RAPGEF6: variants seen among roughly 807,000 people sequenced by gnomAD.
The protein encoded by RAPGEF6 is PDZ domain containing guanine nucleotide exchange factor (GEF) 2.
RAPGEF6 carries 56 observed loss-of-function variants against 171.4 expected under a neutral mutation model. That is an observed-to-expected ratio of 0.33 (90% CI 0.26 to 0.41). The LOEUF is 0.41. Among genes scored for constraint, RAPGEF6 ranks in the 10% least tolerant of loss-of-function variants. The pLI is 1.00. For synonymous variants in RAPGEF6, 692 were observed against 650.1 expected (o/e 1.06, Z -0.98); for missense variants, 1,674 against 1,921.4 (o/e 0.87, Z 2.41).
intron 3 of RAPGEF6, among the ~76,000 whole-genome samples, chr5:131,599,416 G>C (rs1034406124): frequency 2.6e-5 from 4 of 151,964 alleles, no homozygotes; most frequent in Non-Finnish European, 4.4e-5. Context: ...ATGAACACAG[G>C]CATGAGCAAA....
In RAPGEF6 at chr5:131,495,638, CATA is replaced by C; in HGVS notation, c.1439_1441del (p.Leu480del). 1 of 1,613,166 alleles carries C rather than the reference CATA, an allele frequency of 6.2e-7. No individual in the cohort carries two copies. Among genetic ancestry groups the C allele is most frequent in the Non-Finnish European group, 8.5e-7 (1 of 1,179,520 alleles). ...AAAATCATTAAAATGATTATTTACC[CATA>C]ATAATACAATCCGTGTCACCTGTGG... On this transcript the variant is annotated inframe_deletion, in exon 13 of 28. Coordinates refer to ENST00000509018, the MANE Select transcript of RAPGEF6 (RefSeq NM_016340.6).
intron 24 of RAPGEF6, chr5:131,436,243 G>T: frequency 6.5e-7 from 1 of 1,537,532 alleles, no homozygotes; most frequent in Non-Finnish European, 8.7e-7. Context: ...ATTCTCCTCA[G>T]TGGCCTTCTC....
At chr5:131,554,501 T>C (rs948342744) in intron 5 of RAPGEF6, among the ~76,000 whole-genome samples, 14 of 152,204 alleles carry the variant, frequency 9.2e-5, no homozygotes, top group African/African-American at 4.8e-5. Flanking sequence ...TAGCTACTTA[T>C]TAGCCTCAGG....
chr5:131,495,762 C>A, intron 12 of RAPGEF6, 102 bp from the exon 13 acceptor site: 1 of 1,431,702 alleles, frequency 7.0e-7, no homozygotes, highest in East Asian at 2.6e-5. Context: ...ACTGACAACC[C>A]TCTTGTTCCC....
chr5:131,453,044 A>G lies in RAPGEF6; in HGVS notation c.3200+10T>C, dbSNP rs199924175. The G allele has an allele frequency of 6.2e-6, 10 of 1,606,148 alleles. No individual in the cohort carries two copies. Among genetic ancestry groups the G allele is most frequent in the Non-Finnish European group, 6.0e-6 (7 of 1,176,040 alleles). ...CCACTCTAACACTTTTACATATTTCAATGTCCTACCTCTGTCGAAACATCA... is the reference window on the plus strand; with the variant it reads ...CCACTCTAACACTTTTACATATTTCGATGTCCTACCTCTGTCGAAACATCA... On this transcript the variant is annotated intron_variant, in intron 21 of 27. Coordinates refer to ENST00000509018, the MANE Select transcript of RAPGEF6 (RefSeq NM_016340.6).
At chr5:131,555,189 T>C (rs1379966401) in intron 5 of RAPGEF6, among the ~76,000 whole-genome samples, 1 of 152,210 alleles carries the variant, frequency 6.6e-6, no homozygotes, top group African/African-American at 2.4e-5. Flanking sequence ...CCCAATCTAA[T>C]AAATTTCTTG....
intron 4 of RAPGEF6, among the ~76,000 whole-genome samples, chr5:131,568,744 A>C (rs529327376): frequency 6.6e-6 from 1 of 152,376 alleles, no homozygotes; most frequent in Admixed American, 6.5e-5. Flanking sequence ...CAGTACAATA[A>C]GGCAAGAAAA....
At chr5:131,485,747 A>AGTGAGAGATGAAGGGTGGTGT (rs1242899665) in intron 15 of RAPGEF6, among the ~76,000 whole-genome samples, 1 of 152,188 alleles carries the variant, frequency 6.6e-6, no homozygotes, top group African/African-American at 2.4e-5. Context: ...TATTAAGTTC[A>AGTGAGAGATGAAGGGTGGTGT]GTGAGAGATG....
At chr5:131,489,342 AACTT>A (rs1360948036) in intron 15 of RAPGEF6, among the ~76,000 whole-genome samples, 200 bp downstream of exon 15, 4 of 152,216 alleles carry the variant, frequency 2.6e-5, no homozygotes, top group Admixed American at 1.3e-4. Context: ...CCTATTTTAA[AACTT>A]ACTATCAAAA....
chr5:131,500,917 T>C (rs923368305), intron 11 of RAPGEF6, among the ~76,000 whole-genome samples: 5 of 152,070 alleles, frequency 3.3e-5, no homozygotes, highest in African/African-American at 9.7e-5. Context: ...AAGAAATGAA[T>C]GAAATGAAAA....
At chr5:131,573,837 G>C (rs980006288) in intron 4 of RAPGEF6, among the ~76,000 whole-genome samples, 6 of 151,994 alleles carry the variant, frequency 3.9e-5, no homozygotes, top group Admixed American at 6.5e-5. Flanking sequence ...GACCCAGAGG[G>C]GCCAGAAGGC....
chr5:131,557,989 T>C (rs1249053191), intron 5 of RAPGEF6, among the ~76,000 whole-genome samples: 1 of 152,186 alleles, frequency 6.6e-6, no homozygotes, highest in African/African-American at 2.4e-5. Context: ...CTTGTTAGGC[T>C]GTTATAAAAA....
chr5:131,536,512 C>T (rs1173039472), intron 6 of RAPGEF6, among the ~76,000 whole-genome samples: 1 of 152,156 alleles, frequency 6.6e-6, no homozygotes, highest in African/African-American at 2.4e-5. Flanking sequence ...TATATATCCA[C>T]TAACTGATCA....
chr5:131,495,583 T>C lies in RAPGEF6; in HGVS notation c.1497A>G (p.Leu499=), dbSNP rs1734311699. Residue 499 remains leucine, a synonymous_variant, in exon 13 of 28, where the codon CTA becomes CTG. Coordinates refer to ENST00000509018, the MANE Select transcript of RAPGEF6 (RefSeq NM_016340.6). The stretch of plus-strand genomic sequence containing the variant: ...CTTCCAGATTTTTTTCAAATTCCTC[T>C]AGAAATCGAGTCATAGCAGGGTCAC... ...FEGDPAMTRF[L]EEFEKNLEDT... The C allele has an allele frequency of 1.9e-6, 3 of 1,613,718 alleles. No homozygotes were observed. The highest frequency in any genetic ancestry group is 8.5e-7 in the Non-Finnish European group (1 of 1,179,840).
At position 131,596,155 on chromosome 5, in the gene RAPGEF6, T is replaced by TAAA. The variant is rs36079255; in HGVS notation, c.198-3692_198-3690dup. On this transcript the variant is annotated intron_variant, in intron 3 of 27. Coordinates refer to ENST00000509018, the MANE Select transcript of RAPGEF6 (RefSeq NM_016340.6). ...GGGAGCAGTGCGAGACTCCATCATA[T>TAAA]AAAAAAAAAAAAAAAAGTTAAAGGA... Among the ~76,000 whole-genome samples the TAAA allele has an allele frequency of 5.5e-5, 7 of 127,058 alleles. No homozygotes were observed. In the South Asian group the frequency reaches 7.5e-4, roughly 14 times the overall value. 83.4% of individuals were successfully genotyped at this position (127,058 alleles called of 152,430 possible).
Position 131,600,550 on chromosome 5 carries a change from AAGGG to A in RAPGEF6, c.197+2717_197+2720del, listed in dbSNP as rs1158425803. ...ACGAGAAGGAAGGAAGGAAGGAAGG[AAGGG>A]AGGGAGGGAGGGAGGGAAAAGAGAG... On this transcript the variant is annotated intron_variant, in intron 3 of 27. Transcript: ENST00000509018. Among the ~76,000 whole-genome samples, 94 of 121,636 alleles carry A rather than the reference AAGGG, an allele frequency of 7.7e-4. 1 individual carries two copies. The highest frequency in any genetic ancestry group is 3.8e-3 in the Middle Eastern group (1 of 266). 79.8% of individuals were successfully genotyped at this position (121,636 alleles called of 152,430 possible).
intron 6 of RAPGEF6, among the ~76,000 whole-genome samples, chr5:131,530,553 T>C (rs1020102333): frequency 1.3e-5 from 2 of 152,226 alleles, no homozygotes; most frequent in Admixed American, 1.3e-4. Flanking sequence ...CTAAGTTTTA[T>C]GTGTTTAATT....
At chr5:131,527,811 C>G (rs760863000) in intron 6 of RAPGEF6, among the ~76,000 whole-genome samples, 12 of 151,676 alleles carry the variant, frequency 7.9e-5, no homozygotes, top group Admixed American at 6.6e-5. Context: ...GTCAGGAGAT[C>G]GAGACCATCC....
In RAPGEF6 at chr5:131,550,184, T is replaced by C. The variant is rs188858087; in HGVS notation, c.352-1994A>G. Among the ~76,000 whole-genome samples the C allele has an allele frequency of 4.6e-5, 7 of 152,198 alleles. No homozygotes were observed. In the East Asian group the frequency reaches 5.8e-4, roughly 13 times the overall value. Reference sequence around the variant, plus strand: ...TCACCTCAGTCCCAAACCACAGCAATAGGTGATCCTGCTGCTTTAGGCATG... The same window carrying C: ...TCACCTCAGTCCCAAACCACAGCAACAGGTGATCCTGCTGCTTTAGGCATG... On this transcript the variant is annotated intron_variant, in intron 5 of 27. Coordinates refer to ENST00000509018, the MANE Select transcript of RAPGEF6 (RefSeq NM_016340.6).
Sources: gnomAD v4.1 joint callset for allele counts (sites outside exome capture counted in the v4.1 genomes callset) on GRCh38, gnomAD v4.1.1 for gene constraint, MANE v1.5 for transcripts, NCBI Gene and HGNC (gene_info 2026-07-23, HGNC 2026-07-21) for gene names.